SLC35F4: variants seen among roughly 807,000 people sequenced by gnomAD.
SLC35F4 encodes the protein chromosome 14 open reading frame 36.
In SLC35F4, 24 loss-of-function variants were observed where a neutral mutation model predicts 44.2. The observed-to-expected ratio is 0.54, with a 90% CI of 0.39 to 0.76. SLC35F4 has a LOEUF of 0.76. Among genes scored for constraint, SLC35F4 ranks in the 30% least tolerant of loss-of-function variants. The probability of loss-of-function intolerance (pLI) is 0.00; values close to 1 mark genes in which losing one functional copy is unlikely to be tolerated. For missense variants in SLC35F4, 562 were observed against 586.1 expected (o/e 0.96, Z 0.42); for synonymous variants, 238 against 223.6 (o/e 1.06, Z -0.57).
intron 1 of SLC35F4, among the ~76,000 whole-genome samples, chr14:57,831,079 G>A (rs1191642887): frequency 1.3e-5 from 2 of 152,148 alleles, no homozygotes; most frequent in Non-Finnish European, 2.9e-5. Context: ...TTTCTTCACT[G>A]TGTTCCCATT....
intron 1 of SLC35F4, among the ~76,000 whole-genome samples, chr14:57,839,392 T>C (rs1222811208): frequency 6.6e-6 from 1 of 152,194 alleles, no homozygotes; most frequent in African/African-American, 2.4e-5. Context: ...TATGGAATAC[T>C]ATGCAGCTGT....
chr14:57,722,656 G>A (rs1262071447), intron 1 of SLC35F4, among the ~76,000 whole-genome samples: 1 of 152,188 alleles, frequency 6.6e-6, no homozygotes, highest in East Asian at 1.9e-4. Context: ...ATAATGGACA[G>A]CAGAGGCAAA....
chr14:57,577,153 CT>C (rs1395299675), intron 4 of SLC35F4, among the ~76,000 whole-genome samples: 1 of 152,148 alleles, frequency 6.6e-6, no homozygotes, highest in African/African-American at 2.4e-5. Flanking sequence ...CATCTTAATT[CT>C]TAATATTTAA....
intron 1 of SLC35F4, among the ~76,000 whole-genome samples, chr14:57,900,996 T>G (rs1041023387): frequency 3.9e-5 from 6 of 152,224 alleles, no homozygotes; most frequent in African/African-American, 1.4e-4. Context: ...CCAGTCAGAA[T>G]GGCTGTTAAA....
chr14:57,592,402 A>C (rs1371889531), intron 2 of SLC35F4, among the ~76,000 whole-genome samples: 1 of 152,188 alleles, frequency 6.6e-6, no homozygotes, highest in Non-Finnish European at 1.5e-5. Context: ...TCTTTGGTGC[A>C]CTGGAATATC....
chr14:57,832,598 T>A (rs1884492030), intron 1 of SLC35F4, among the ~76,000 whole-genome samples: 1 of 152,240 alleles, frequency 6.6e-6, no homozygotes, highest in Non-Finnish European at 1.5e-5. Flanking sequence ...CATAACATTG[T>A]GTTGTAAACC....
chr14:57,801,102 T>C (rs2078182444), intron 1 of SLC35F4, among the ~76,000 whole-genome samples: 1 of 152,036 alleles, frequency 6.6e-6, no homozygotes, highest in Non-Finnish European at 1.5e-5. Context: ...AGGAAAAATA[T>C]TAAGGGCAGC....
chr14:57,827,770 A>G (rs1408354395), intron 1 of SLC35F4, among the ~76,000 whole-genome samples: 2 of 150,718 alleles, frequency 1.3e-5, no homozygotes, highest in Admixed American at 6.7e-5. Flanking sequence ...ATATACAATT[A>G]TAAGGCAATA....
At chr14:57,584,436 AGTAACTTCT>A (rs2069540456) in intron 3 of SLC35F4, among the ~76,000 whole-genome samples, 1 of 145,472 alleles carries the variant, frequency 6.9e-6, no homozygotes, top group Non-Finnish European at 1.6e-5. Context: ...GAGCTTCGGG[AGTAACTTCT>A]GGAGTAACTT....
At chr14:57,616,641 A>G (rs563255527) in intron 1 of SLC35F4, among the ~76,000 whole-genome samples, 1 of 152,228 alleles carries the variant, frequency 6.6e-6, no homozygotes, top group East Asian at 1.9e-4. Flanking sequence ...CCACTTCTTT[A>G]CTGTCTACTG....
chr14:57,793,423 G>A (rs565304523), intron 1 of SLC35F4, among the ~76,000 whole-genome samples: 10 of 151,976 alleles, frequency 6.6e-5, no homozygotes, highest in Admixed American at 4.6e-4. Flanking sequence ...AGCCTCCAAT[G>A]TCCATCAAAC....
intron 1 of SLC35F4, among the ~76,000 whole-genome samples, chr14:57,755,227 A>T (rs1260403993): frequency 6.6e-6 from 1 of 152,148 alleles, no homozygotes. Context: ...CTAGGCCAAG[A>T]CTAGGGAGGC....
At chr14:57,868,810 C>T (rs1023444094), upstream of SLC35F4, among the ~76,000 whole-genome samples, 1 of 152,098 alleles carries the variant, frequency 6.6e-6, no homozygotes, top group African/African-American at 2.4e-5. Flanking sequence ...CATGTTTAGT[C>T]TACCAGTTTT....
chr14:57,566,618 T>A, intron 6 of SLC35F4, 54 bp from the exon 7 acceptor site: 1 of 1,491,128 alleles, frequency 6.7e-7, no homozygotes, highest in Non-Finnish European at 9.2e-7. Context: ...CGCTGGACTT[T>A]TTTCTCCTTA....
chr14:57,594,213 A>C (rs1232963008), intron 1 of SLC35F4, 89 bp from the exon 2 acceptor site: 1 of 1,273,266 alleles, frequency 7.9e-7, no homozygotes, highest in Admixed American at 2.4e-5. Context: ...GTTTGGAAAC[A>C]GGGTCTCACT....
chr14:57,709,423 T>A (rs1332623482), intron 1 of SLC35F4, among the ~76,000 whole-genome samples: 1 of 152,172 alleles, frequency 6.6e-6, no homozygotes, highest in African/African-American at 2.4e-5. Flanking sequence ...GTTATGATTA[T>A]AGAGCGAGGA....
At chr14:57,951,094 T>A (rs1404868437) in intron 1 of SLC35F4, among the ~76,000 whole-genome samples, 1 of 152,152 alleles carries the variant, frequency 6.6e-6, no homozygotes, top group Non-Finnish European at 1.5e-5. Context: ...CATTTCCAAC[T>A]GAGGCACCTG....
chr14:57,647,244 T>A (rs1462651807), intron 1 of SLC35F4, among the ~76,000 whole-genome samples: 1 of 151,562 alleles, frequency 6.6e-6, no homozygotes, highest in African/African-American at 2.4e-5. Context: ...CCATTATTAT[T>A]GTGTGGGAGT....
chr14:57,570,677 G>T (rs2068454630), intron 5 of SLC35F4, among the ~76,000 whole-genome samples: 1 of 152,156 alleles, frequency 6.6e-6, no homozygotes, highest in South Asian at 2.1e-4. Flanking sequence ...TAACAACACA[G>T]AGTGAAGCAG....
Sources: allele counts gnomAD v4.1 joint callset (sites outside exome capture counted in the v4.1 genomes callset), GRCh38; gene constraint gnomAD v4.1.1; transcripts MANE v1.5; gene names NCBI Gene and HGNC (gene_info 2026-07-23, HGNC 2026-07-21).